The following VOPP1 variants were observed in gnomAD, a reference collection of about 807,000 sequenced individuals.
The protein encoded by VOPP1 is WW domain binding protein VOPP1.
In VOPP1, 8 loss-of-function variants were observed where a neutral mutation model predicts 23.5. That is an observed-to-expected ratio of 0.34 (90% CI 0.20 to 0.61). VOPP1 has a LOEUF of 0.61. VOPP1 is among the 20% of genes least tolerant of loss of function. The pLI, the probability that VOPP1 is intolerant of heterozygous loss-of-function variation, is 0.78. For missense variants in VOPP1, 174 were observed against 238.1 expected (o/e 0.73, Z 1.77); for synonymous variants, 83 against 97.3 (o/e 0.85, Z 0.86).
intron 2 of VOPP1, among the ~76,000 whole-genome samples, chr7:55,508,458 G>A (rs1246387745): frequency 6.6e-6 from 1 of 152,114 alleles, no homozygotes; most frequent in Middle Eastern, 3.2e-3. Flanking sequence ...TTCTACAGAT[G>A]AGGTTTCACT....
At chr7:55,546,403 G>A (rs141279063) in intron 1 of VOPP1, among the ~76,000 whole-genome samples, 1 of 152,318 alleles carries the variant, frequency 6.6e-6, no homozygotes, top group African/African-American at 2.4e-5. Flanking sequence ...AGAAGTTTTG[G>A]CAAAACTGAA....
chr7:55,547,813 C>A (rs1485074247), intron 1 of VOPP1, among the ~76,000 whole-genome samples: 1 of 152,190 alleles, frequency 6.6e-6, no homozygotes, highest in Non-Finnish European at 1.5e-5. Context: ...ACAGCAAGAT[C>A]TTTTCCATTT....
intron 3 of VOPP1, among the ~76,000 whole-genome samples, chr7:55,495,190 T>C (rs1793866861): frequency 6.6e-6 from 1 of 152,096 alleles, no homozygotes; most frequent in African/African-American, 2.4e-5. Flanking sequence ...CCACCTAGGC[T>C]AGTTCTCACT....
At chr7:55,546,744 C>A (rs1797381312) in intron 1 of VOPP1, among the ~76,000 whole-genome samples, 1 of 152,238 alleles carries the variant, frequency 6.6e-6, no homozygotes, top group Admixed American at 6.5e-5. Flanking sequence ...ACGACCACCA[C>A]CACCCCTGAA....
At chr7:55,556,847 C>T (rs1431764879) in intron 1 of VOPP1, among the ~76,000 whole-genome samples, 1 of 152,140 alleles carries the variant, frequency 6.6e-6, no homozygotes, top group African/African-American at 2.4e-5. Flanking sequence ...CCTTCATTGC[C>T]CTGCTTCGCT....
At chr7:55,438,608 C>CCG (rs1207103519) in intron 4 of VOPP1, among the ~76,000 whole-genome samples, 1 of 152,078 alleles carries the variant, frequency 6.6e-6, no homozygotes, top group Admixed American at 6.5e-5. Context: ...CAGGCAAAGG[C>CCG]CCCGGGGAAG....
At chr7:55,503,731 G>A (rs1267864595) in intron 2 of VOPP1, among the ~76,000 whole-genome samples, 1 of 152,156 alleles carries the variant, frequency 6.6e-6, no homozygotes, top group Non-Finnish European at 1.5e-5. Flanking sequence ...CTTGCTGCTT[G>A]CTCCACTCCC....
chr7:55,465,039 G>C (rs1016121902), intron 4 of VOPP1, among the ~76,000 whole-genome samples: 28 of 152,166 alleles, frequency 1.8e-4, no homozygotes, highest in South Asian at 6.2e-4. Context: ...ATTGCAGCTG[G>C]ACCAGCTGCT....
intron 4 of VOPP1, among the ~76,000 whole-genome samples, chr7:55,477,336 T>C (rs1792335423): frequency 6.6e-6 from 1 of 152,208 alleles, no homozygotes; most frequent in Non-Finnish European, 1.5e-5. Context: ...GTTCCATAAA[T>C]ACACGGGAGG....
chr7:55,487,423 G>C (rs749311241), intron 4 of VOPP1, among the ~76,000 whole-genome samples: 1 of 152,190 alleles, frequency 6.6e-6, no homozygotes, highest in Non-Finnish European at 1.5e-5. Context: ...CTCTCTCTAT[G>C]TATCTGTGGA....
chr7:55,436,818 A>G (rs1790841940), intron 4 of VOPP1, among the ~76,000 whole-genome samples: 1 of 152,154 alleles, frequency 6.6e-6, no homozygotes, highest in Non-Finnish European at 1.5e-5. Context: ...AGGAATTCAG[A>G]GAGACCAGGG....
intron 1 of VOPP1, among the ~76,000 whole-genome samples, chr7:55,540,616 G>A (rs955792599): frequency 1.3e-5 from 2 of 152,012 alleles, no homozygotes; most frequent in Non-Finnish European, 2.9e-5. Context: ...GTGCCCAGCC[G>A]AGTAAACACG....
At chr7:55,569,297 G>A (rs1371105957) in intron 1 of VOPP1, among the ~76,000 whole-genome samples, 1 of 152,176 alleles carries the variant, frequency 6.6e-6, no homozygotes, top group Non-Finnish European at 1.5e-5. Flanking sequence ...CACTGTCCAG[G>A]CACAGCTCTT....
chr7:55,497,142 G>A (rs115397845), intron 3 of VOPP1, among the ~76,000 whole-genome samples: 9 of 152,364 alleles, frequency 5.9e-5, no homozygotes, highest in East Asian at 3.9e-4. Flanking sequence ...GGACTGCTCC[G>A]TATGCGCCCC....
chr7:55,489,370 C>T (rs563797683), intron 4 of VOPP1, among the ~76,000 whole-genome samples: 1 of 152,324 alleles, frequency 6.6e-6, no homozygotes, highest in Admixed American at 6.5e-5. Context: ...AGCAGCCACT[C>T]GCTGTAGAGA....
intron 1 of VOPP1, among the ~76,000 whole-genome samples, chr7:55,543,194 C>A (rs1797213063): frequency 6.6e-6 from 1 of 152,204 alleles, no homozygotes; most frequent in African/African-American, 2.4e-5. Context: ...GGATTACAGG[C>A]ATGAGCCACC....
chr7:55,500,063 C>G (rs1010715108), intron 2 of VOPP1, among the ~76,000 whole-genome samples: 1 of 152,092 alleles, frequency 6.6e-6, no homozygotes, highest in Admixed American at 6.5e-5. Flanking sequence ...TTTCCTCTCA[C>G]GAATGTGCAA....
chr7:55,535,141 G>A (rs569049819), intron 1 of VOPP1, among the ~76,000 whole-genome samples: 6 of 152,172 alleles, frequency 3.9e-5, no homozygotes, highest in African/African-American at 1.4e-4. Context: ...CAGCAGCCTT[G>A]ACAAAGCTCA....
intron 2 of VOPP1, among the ~76,000 whole-genome samples, chr7:55,519,275 A>C (rs1405358272): frequency 6.6e-6 from 1 of 152,242 alleles, no homozygotes; most frequent in Non-Finnish European, 1.5e-5. Flanking sequence ...TGACAAAAGC[A>C]GGGCTTGTCT....
Sources: allele counts gnomAD v4.1 joint callset (sites outside exome capture counted in the v4.1 genomes callset), GRCh38; gene constraint gnomAD v4.1.1; transcripts MANE v1.5; gene names NCBI Gene and HGNC (gene_info 2026-07-23, HGNC 2026-07-21).